TMEM108: variants seen among roughly 807,000 people sequenced by gnomAD.
TMEM108 encodes the protein transmembrane protein 108.
In TMEM108, 12 loss-of-function variants were observed where a neutral mutation model predicts 35.1. The ratio of observed to expected loss-of-function variants is 0.34; its 90% CI spans 0.22 to 0.55. TMEM108 has a LOEUF of 0.55. Ranked by LOEUF, TMEM108 falls within the 20% of genes least tolerant of loss-of-function variation. TMEM108 has a pLI of 0.89. For synonymous variants in TMEM108, 287 were observed against 308.6 expected (o/e 0.93, Z 0.73); for missense variants, 680 against 753.3 (o/e 0.90, Z 1.14).
At chr3:133,183,505 A>T (rs1945377347) in intron 2 of TMEM108, among the ~76,000 whole-genome samples, 1 of 152,148 alleles carries the variant, frequency 6.6e-6, no homozygotes, top group South Asian at 2.1e-4. Flanking sequence ...AGGAAGAAGG[A>T]TGATATGATG....
At chr3:133,057,438 T>A (rs1302801786) in intron 2 of TMEM108, among the ~76,000 whole-genome samples, 1 of 2,738 alleles carries the variant, frequency 3.7e-4, no homozygotes, top group Non-Finnish European at 1.8e-3. Context: ...TGTGTGTGTA[T>A]ATATATATAT....
At chr3:133,168,384 G>A (rs1463992657) in intron 2 of TMEM108, among the ~76,000 whole-genome samples, 1 of 152,180 alleles carries the variant, frequency 6.6e-6, no homozygotes, top group Admixed American at 6.5e-5. Flanking sequence ...TCACATGGCG[G>A]AAGGCTTGAA....
chr3:133,272,951 A>G (rs1946793527), intron 3 of TMEM108, among the ~76,000 whole-genome samples: 2 of 152,308 alleles, frequency 1.3e-5, no homozygotes, highest in South Asian at 4.1e-4. Flanking sequence ...ACCCAGCCCC[A>G]GATGTCAACA....
At chr3:133,071,836 A>G (rs919451369) in intron 2 of TMEM108, among the ~76,000 whole-genome samples, 2 of 152,134 alleles carry the variant, frequency 1.3e-5, no homozygotes, top group African/African-American at 4.8e-5. Context: ...AGGTTTTAAC[A>G]TTTGATGTAG....
At chr3:133,289,196 G>A (rs1947027748) in intron 3 of TMEM108, among the ~76,000 whole-genome samples, 1 of 152,012 alleles carries the variant, frequency 6.6e-6, no homozygotes, top group East Asian at 1.9e-4. Flanking sequence ...TGGGATTTGG[G>A]GGTCCATCAT....
At chr3:133,364,159 G>T (rs1366174604) in intron 3 of TMEM108, among the ~76,000 whole-genome samples, 1 of 152,218 alleles carries the variant, frequency 6.6e-6, no homozygotes, top group African/African-American at 2.4e-5. Flanking sequence ...TAAATAACTT[G>T]TCCCAGGCCA....
rs187508197 is a variant in TMEM108, at chr3:133,148,838, A to T, written c.-46-80428A>T. ...TAGTGAGACCCCATCTCTACAAAAA[A>T]TAAATAAAATCAGCCAGGCATGGTG... On this transcript the variant is annotated intron_variant, in intron 2 of 5. Coordinates refer to ENST00000321871, the MANE Select transcript of TMEM108 (RefSeq NM_023943.4). 2.6e-5 allele frequency among the ~76,000 whole-genome samples: 4 copies of T among 152,252 alleles called. No individual in the cohort carries two copies. The East Asian group carries it at 7.7e-4, about 29-fold the overall frequency.
chr3:133,334,471 A>T (rs2071453127), intron 3 of TMEM108, among the ~76,000 whole-genome samples: 1 of 152,206 alleles, frequency 6.6e-6, no homozygotes, highest in Admixed American at 6.5e-5. Context: ...TTATGGGTGT[A>T]TGAAAGTAGC....
At chr3:133,080,307 A>G (rs1200908360) in intron 2 of TMEM108, among the ~76,000 whole-genome samples, 2 of 152,156 alleles carry the variant, frequency 1.3e-5, no homozygotes, top group African/African-American at 4.8e-5. Context: ...TGGCTATGTG[A>G]AGGTGAATTT....
intron 3 of TMEM108, among the ~76,000 whole-genome samples, chr3:133,333,788 T>C (rs112836632): frequency 1.5e-4 from 23 of 152,364 alleles, no homozygotes; most frequent in African/African-American, 5.5e-4. Flanking sequence ...ATTTGTGTAT[T>C]TTCATTGAGC....
At chr3:133,199,595 A>G (rs1945630115) in intron 2 of TMEM108, among the ~76,000 whole-genome samples, 1 of 152,178 alleles carries the variant, frequency 6.6e-6, no homozygotes, top group Non-Finnish European at 1.5e-5. Context: ...GAGGCTGCAG[A>G]ACAGCAAATA....
At chr3:133,103,481 G>A (rs1260868978) in intron 2 of TMEM108, among the ~76,000 whole-genome samples, 1 of 152,006 alleles carries the variant, frequency 6.6e-6, no homozygotes, top group African/African-American at 2.4e-5. Flanking sequence ...TAACTAATGA[G>A]TACTAGGCTT....
intron 3 of TMEM108, among the ~76,000 whole-genome samples, chr3:133,355,272 T>C (rs1163084494): frequency 6.6e-6 from 1 of 152,204 alleles, no homozygotes; most frequent in Non-Finnish European, 1.5e-5. Flanking sequence ...TTTAATTAAA[T>C]ACACATCTTC....
intron 2 of TMEM108, among the ~76,000 whole-genome samples, chr3:133,120,597 T>C (rs1177959650): frequency 6.6e-6 from 1 of 152,212 alleles, no homozygotes; most frequent in African/African-American, 2.4e-5. Context: ...CATCTCTCTT[T>C]ATGTTTGTGT....
At position 133,381,036 on chromosome 3, in the gene TMEM108, G is replaced by A; in HGVS notation, c.1325G>A (p.Gly442Glu). The part of the protein sequence containing the change: ...RLVPAGTWKP[G>E]TAGNISHVAE... ...GTCCCCGCCGGGACCTGGAAGCCTG[G>A]GACAGCAGGGAACATCTCCCATGTG... The change falls in exon 4 of 6, where the codon GGG (glycine) becomes GAG (glutamate). Residue 442 changes from glycine to glutamate, a missense_variant. Gly to Glu is a moderately conservative substitution (Grantham distance 98). Transcript: ENST00000321871. 3 of 1,614,186 alleles carry A rather than the reference G, an allele frequency of 1.9e-6. No homozygotes were observed. Among genetic ancestry groups the A allele is most frequent in the Non-Finnish European group, 2.5e-6 (3 of 1,180,022 alleles).
At chr3:133,368,755 A>G (rs2072571344) in intron 3 of TMEM108, among the ~76,000 whole-genome samples, 1 of 152,198 alleles carries the variant, frequency 6.6e-6, no homozygotes, top group Non-Finnish European at 1.5e-5. Flanking sequence ...TTCAGCTGCA[A>G]ATAACTCAAA....
chr3:133,046,251 A>G (rs753127313), intron 2 of TMEM108, among the ~76,000 whole-genome samples: 6 of 152,170 alleles, frequency 3.9e-5, no homozygotes, highest in Non-Finnish European at 7.3e-5. Context: ...TCAAAACAGG[A>G]GTTTTTAGTG....
chr3:133,093,715 G>A (rs188345401), intron 2 of TMEM108, among the ~76,000 whole-genome samples: 10 of 152,278 alleles, frequency 6.6e-5, no homozygotes, highest in South Asian at 4.1e-4. Context: ...TGATGGGGAC[G>A]GAGATGGACA....
chr3:133,370,521 A>G (rs2072628320), intron 3 of TMEM108, among the ~76,000 whole-genome samples: 1 of 152,170 alleles, frequency 6.6e-6, no homozygotes, highest in East Asian at 1.9e-4. Flanking sequence ...AAAGCAGGGA[A>G]CAGTTTTTAT....
Sources: gnomAD v4.1 joint callset for allele counts (sites outside exome capture counted in the v4.1 genomes callset) on GRCh38, gnomAD v4.1.1 for gene constraint, MANE v1.5 for transcripts, NCBI Gene and HGNC (gene_info 2026-07-23, HGNC 2026-07-21) for gene names.